The following C1QTNF7 variants were observed in gnomAD, a reference collection of about 807,000 sequenced individuals.
The protein encoded by C1QTNF7 is C1q and TNF related 7, also known as complement C1q tumor necrosis factor-related protein 7.
In C1QTNF7, 15 loss-of-function variants were observed where a neutral mutation model predicts 19.6. The ratio of observed to expected loss-of-function variants is 0.76; its 90% confidence interval spans 0.51 to 1.18. The LOEUF is 1.18. Ranked by LOEUF, C1QTNF7 falls within the 50% of genes most tolerant of loss-of-function variation. The pLI, the probability that C1QTNF7 is intolerant of heterozygous loss-of-function variation, is 0.00. For missense variants in C1QTNF7, 324 were observed against 359.7 expected, an observed-to-expected ratio of 0.90 and a Z score of 0.80; for synonymous variants, 142 against 137.5, an observed-to-expected ratio of 1.03 and a Z score of -0.23.
chr4:15,341,313 G>A (rs964458611), intron 1 of C1QTNF7, among the ~76,000 whole-genome samples: 1 of 152,148 alleles, frequency 6.6e-6, no homozygotes. Context: ...TTTGAGGGCC[G>A]CCTGGGACCC....
chr4:15,350,993 G>A (rs376197811), intron 1 of C1QTNF7, among the ~76,000 whole-genome samples: 64 of 152,314 alleles, frequency 4.2e-4, no homozygotes, highest in East Asian at 2.1e-3. Flanking sequence ...AATCCAAGCC[G>A]TCAGTTTCCA....
At chr4:15,342,226 G>A (rs1390744021) in intron 1 of C1QTNF7, among the ~76,000 whole-genome samples, 1 of 152,150 alleles carries the variant, frequency 6.6e-6, no homozygotes, top group Non-Finnish European at 1.5e-5. Context: ...GCGTCTGCAA[G>A]GGACAAGAGT....
At chr4:15,419,528 A>G (rs764170307) in intron 1 of C1QTNF7, among the ~76,000 whole-genome samples, 46 of 152,244 alleles carry the variant, frequency 3.0e-4, no homozygotes, top group African/African-American at 4.8e-5. Flanking sequence ...AGACCTATGC[A>G]TACACAGAGA....
chr4:15,355,454 C>T (rs1252522128), intron 1 of C1QTNF7, among the ~76,000 whole-genome samples: 1 of 152,096 alleles, frequency 6.6e-6, no homozygotes, highest in African/African-American at 2.4e-5. Flanking sequence ...TGCAAGTCTG[C>T]AAACAAGGAC....
intron 1 of C1QTNF7, among the ~76,000 whole-genome samples, chr4:15,430,554 T>G (rs1355535972): frequency 2.0e-5 from 3 of 152,208 alleles, no homozygotes; most frequent in African/African-American, 7.2e-5. Context: ...TTTTGGAGTT[T>G]TAAAATAGTC....
At chr4:15,364,347 G>T (rs1386710181) in intron 1 of C1QTNF7, among the ~76,000 whole-genome samples, 4 of 152,194 alleles carry the variant, frequency 2.6e-5, no homozygotes, top group African/African-American at 9.6e-5. Context: ...TTTACCAGCT[G>T]TGTGATCTTG....
chr4:15,407,584 C>G (rs757173844), intron 1 of C1QTNF7, among the ~76,000 whole-genome samples: 7 of 152,112 alleles, frequency 4.6e-5, no homozygotes, highest in Non-Finnish European at 5.9e-5. Context: ...AAATCTTAAT[C>G]AGTGGTGAAA....
chr4:15,390,256 G>T (rs1039142154), intron 1 of C1QTNF7, among the ~76,000 whole-genome samples: 1 of 152,220 alleles, frequency 6.6e-6, no homozygotes, highest in African/African-American at 2.4e-5. Context: ...CCACAGGAAA[G>T]CCACAGCTCT....
intron 1 of C1QTNF7, among the ~76,000 whole-genome samples, chr4:15,384,476 G>A (rs1718258520): frequency 1.3e-5 from 2 of 151,770 alleles, no homozygotes; most frequent in Non-Finnish European, 2.9e-5. Context: ...AAAATAACTT[G>A]GCCCAGGTAT....
chr4:15,358,672 GA>G (rs1372591238), intron 1 of C1QTNF7: 4 of 152,266 alleles, frequency 2.6e-5, no homozygotes, highest in Admixed American at 6.5e-5. Context: ...TATGTAACTT[GA>G]AATTGTGTTC....
intron 1 of C1QTNF7, among the ~76,000 whole-genome samples, chr4:15,345,171 C>G (rs10018161): frequency 0.017 from 2,653 of 152,336 alleles, 71 homozygotes; most frequent in African/African-American, 0.061. Flanking sequence ...TAGTTTCTTA[C>G]ATTATTTAGG....
chr4:15,383,050 A>G (rs758544619), intron 1 of C1QTNF7, among the ~76,000 whole-genome samples: 8 of 152,124 alleles, frequency 5.3e-5, no homozygotes, highest in Non-Finnish European at 1.2e-4. Flanking sequence ...AGGACACTCA[A>G]ATGTCAACAA....
chr4:15,365,155 A>T (rs1228984291), intron 1 of C1QTNF7, among the ~76,000 whole-genome samples: 2 of 152,094 alleles, frequency 1.3e-5, no homozygotes, highest in Non-Finnish European at 2.9e-5. Flanking sequence ...GGCACCATAT[A>T]TATGTTCATA....
At chr4:15,340,136 T>C in exon 1 of C1QTNF7, 1 of 1,540,376 alleles carries the variant, frequency 6.5e-7, no homozygotes, top group Non-Finnish European at 8.8e-7. Context: ...GTTAACTACA[T>C]TCATGGGACA....
chr4:15,348,801 C>A (rs1410979371), intron 1 of C1QTNF7, among the ~76,000 whole-genome samples: 2 of 152,172 alleles, frequency 1.3e-5, no homozygotes, highest in Non-Finnish European at 2.9e-5. Flanking sequence ...CTAATATAAT[C>A]TAGAGACATA....
At chr4:15,441,022 A>G (rs1057413839) in intron 2 of C1QTNF7, among the ~76,000 whole-genome samples, 2 of 152,076 alleles carry the variant, frequency 1.3e-5, no homozygotes, top group African/African-American at 4.8e-5. Flanking sequence ...CACACCTGTA[A>G]TCCCAGCTAC....
At chr4:15,403,773 A>C (rs1009340323) in intron 1 of C1QTNF7, among the ~76,000 whole-genome samples, 2 of 152,212 alleles carry the variant, frequency 1.3e-5, no homozygotes, top group Admixed American at 1.3e-4. Flanking sequence ...TGTAACAACT[A>C]AAACTGCTTG....
intron 1 of C1QTNF7, among the ~76,000 whole-genome samples, chr4:15,393,001 T>C (rs1340096941): frequency 1.3e-5 from 2 of 152,190 alleles, no homozygotes; most frequent in African/African-American, 4.8e-5. Flanking sequence ...TCTTGAATTG[T>C]AGCTCCCAAA....
At chr4:15,353,800 G>T (rs1211216430) in intron 1 of C1QTNF7, among the ~76,000 whole-genome samples, 1 of 151,938 alleles carries the variant, frequency 6.6e-6, no homozygotes, top group Admixed American at 6.6e-5. Context: ...AATACGGCAA[G>T]CATGTAGGGC....
Sources: allele counts gnomAD v4.1 joint callset (sites outside exome capture counted in the v4.1 genomes callset), GRCh38; gene constraint gnomAD v4.1.1; transcripts MANE v1.5; gene names NCBI Gene and HGNC (gene_info 2026-07-23, HGNC 2026-07-21).